Variants in CHP1 observed in about 807,000 individuals in gnomAD.
The protein encoded by CHP1 is calcineurin like EF-hand protein 1.
A neutral mutation model predicts 27.4 loss-of-function variants in CHP1; 11 were observed. That is an observed-to-expected ratio of 0.40 (90% CI 0.25 to 0.67). The LOEUF is 0.67. Among genes scored for constraint, CHP1 ranks in the 30% least tolerant of loss-of-function variants. The probability of loss-of-function intolerance (pLI) is 0.38; values close to 1 mark genes in which losing one functional copy is unlikely to be tolerated. For synonymous variants in CHP1, 89 were observed against 87.4 expected, an observed-to-expected ratio of 1.02 and a Z score of -0.10; for missense variants, 169 against 251.3, an observed-to-expected ratio of 0.67 and a Z score of 2.22.
chr15:41,262,710 T>A, intron 3 of CHP1, 46 bp from the exon 4 acceptor site: 1 of 1,603,994 alleles, frequency 6.2e-7, no homozygotes, highest in Non-Finnish European at 8.5e-7. Flanking sequence ...TAAGAAATAA[T>A]CACCGTGATT....
In CHP1 at chr15:41,256,961, C is replaced by T; in HGVS notation, c.192C>T (p.Asp64=). 6.2e-7 allele frequency: 1 copy of T among 1,614,054 alleles called. No homozygotes were observed. Among genetic ancestry groups the T allele is most frequent in the South Asian group, 1.1e-5 (1 of 91,088 alleles). Residue 64 remains aspartate, a synonymous_variant, in exon 3 of 7, where the codon GAC becomes GAT. Coordinates refer to ENST00000334660, the MANE Select transcript of CHP1 (RefSeq NM_007236.5). ...AACTTGCCATCAACCCACTGGGGGA[C>T]CGGATCATCAATGCCTTCTTTCCAG... ...IPELAINPLG[D]RIINAFFPEG...
intron 1 of CHP1, among the ~76,000 whole-genome samples, chr15:41,236,775 C>T (rs994559163): frequency 6.6e-6 from 1 of 151,906 alleles, no homozygotes; most frequent in Non-Finnish European, 1.5e-5. Context: ...ATGGTTTTTA[C>T]GTAACAACAA....
At chr15:41,268,398 G>C (rs1393855505) in intron 4 of CHP1, among the ~76,000 whole-genome samples, 1 of 152,098 alleles carries the variant, frequency 6.6e-6, no homozygotes, top group African/African-American at 2.4e-5. Flanking sequence ...TGTAATCCCA[G>C]GGCTTTGGCA....
chr15:41,238,950 T>G (rs745436067), intron 1 of CHP1, among the ~76,000 whole-genome samples: 1 of 152,192 alleles, frequency 6.6e-6, no homozygotes, highest in African/African-American at 2.4e-5. Flanking sequence ...GTGCAGGTTT[T>G]GGGCACCTAT....
intron 5 of CHP1, among the ~76,000 whole-genome samples, chr15:41,274,572 A>G (rs2047509530): frequency 6.6e-6 from 1 of 151,970 alleles, no homozygotes; most frequent in Admixed American, 6.6e-5. Flanking sequence ...TGGTGAAATG[A>G]TGTTAAAGAC....
chr15:41,236,096 T>G (rs866736544), intron 1 of CHP1, among the ~76,000 whole-genome samples: 2 of 135,606 alleles, frequency 1.5e-5, no homozygotes, highest in Non-Finnish European at 3.2e-5. Context: ...TTTTTTTTTT[T>G]GAGACAGGGT....
At chr15:41,231,956 C>T (rs149657224) in intron 1 of CHP1, among the ~76,000 whole-genome samples, 52 of 152,148 alleles carry the variant, frequency 3.4e-4, no homozygotes, top group African/African-American at 1.1e-3. Context: ...TGTAGTAAGG[C>T]TTTGGGAGAC....
intron 5 of CHP1, among the ~76,000 whole-genome samples, chr15:41,275,456 A>T (rs1209557613): frequency 6.6e-6 from 1 of 152,100 alleles, no homozygotes; most frequent in Non-Finnish European, 1.5e-5. Flanking sequence ...CCCCCGGCCA[A>T]AACTTCTGAT....
intron 4 of CHP1, among the ~76,000 whole-genome samples, chr15:41,266,171 T>G (rs2047459254): frequency 6.6e-6 from 1 of 152,074 alleles, no homozygotes; most frequent in Non-Finnish European, 1.5e-5. Context: ...TAATTCCAGC[T>G]ACTCAGGAGA....
chr15:41,251,124 G>A (rs2047364601), intron 2 of CHP1, among the ~76,000 whole-genome samples: 1 of 152,150 alleles, frequency 6.6e-6, no homozygotes, highest in Admixed American at 6.6e-5. Flanking sequence ...GAGCCACTGT[G>A]CCTGGCCCAG....
At chr15:41,238,997 C>T (rs569626844) in intron 1 of CHP1, among the ~76,000 whole-genome samples, 7 of 152,310 alleles carry the variant, frequency 4.6e-5, no homozygotes, top group Non-Finnish European at 8.8e-5. Context: ...AAATACTTCA[C>T]TGGAAACATG....
intron 4 of CHP1, among the ~76,000 whole-genome samples, chr15:41,267,537 C>T (rs910928807): frequency 6.6e-6 from 1 of 151,804 alleles, no homozygotes; most frequent in African/African-American, 2.4e-5. Context: ...TGGCACATAC[C>T]TGTAGTCCCA....
At chr15:41,249,924 C>T (rs2047356832) in intron 2 of CHP1, among the ~76,000 whole-genome samples, 1 of 150,212 alleles carries the variant, frequency 6.7e-6, no homozygotes, top group Admixed American at 6.7e-5. Context: ...AGTGTACAGT[C>T]TGGGGCATTC....
Position 41,280,988 on chromosome 15 carries a change from A to G in CHP1, c.*1599A>G, listed in dbSNP as rs1383823809. ...ATTCTCCCACCTCAGCCTCCCAAGT[A>G]GCTGGGATTACAGACGTGTGCCACC... On this transcript the variant is annotated 3_prime_UTR_variant, in exon 7 of 7. Transcript: ENST00000334660. 1 of 151,636 alleles carries G rather than the reference A, an allele frequency of 6.6e-6. No individual in the cohort carries two copies. The highest frequency in any genetic ancestry group is 1.5e-5 in the Non-Finnish European group (1 of 68,048). The allele number at this position is 151,636 out of a possible 1,614,324, so 9.4% of individuals were successfully genotyped here.
chr15:41,243,742 A>C lies in CHP1; in HGVS notation c.140+3A>C. On this transcript the variant is annotated splice_donor_region_variant and intron_variant, in intron 2 of 6. Coordinates refer to ENST00000334660, the MANE Select transcript of CHP1 (RefSeq NM_007236.5). ...AAAGGAGAGAATGGGACTCTCAGGT[A>C]GGCAGTGTTTTTCTTTATTTTCCTC... The C allele has an allele frequency of 6.2e-7, 1 of 1,613,640 alleles. No individual in the cohort carries two copies. Among genetic ancestry groups the C allele is most frequent in the East Asian group, 2.2e-5 (1 of 44,868 alleles).
intron 5 of CHP1, among the ~76,000 whole-genome samples, chr15:41,278,125 G>A (rs1409319375): frequency 2.6e-5 from 4 of 151,746 alleles, no homozygotes; most frequent in East Asian, 1.9e-4. Flanking sequence ...TCAGGAGATC[G>A]AGACCATCCT....
Position 41,262,738 on chromosome 15 carries a change from G to A in CHP1, c.222-18G>A. ...CCGTGATTGACATGGTGTTGTGTTTGTTATATTTCACAATCAGAGAGGACC... is the reference window on the plus strand; with the variant it reads ...CCGTGATTGACATGGTGTTGTGTTTATTATATTTCACAATCAGAGAGGACC... On this transcript the variant is annotated intron_variant, in intron 3 of 6. Coordinates refer to ENST00000334660, the MANE Select transcript of CHP1 (RefSeq NM_007236.5). The A allele has an allele frequency of 6.2e-7, 1 of 1,611,610 alleles. No homozygotes were observed. Among genetic ancestry groups the A allele is most frequent in the Non-Finnish European group, 8.5e-7 (1 of 1,179,514 alleles).
chr15:41,275,628 C>T (rs2047515503), intron 5 of CHP1, among the ~76,000 whole-genome samples: 1 of 152,180 alleles, frequency 6.6e-6, no homozygotes, highest in Admixed American at 6.5e-5. Context: ...CAACTATTCA[C>T]AGGCATGATC....
At chr15:41,250,835 CTTTT>C (rs1188897531) in intron 2 of CHP1, among the ~76,000 whole-genome samples, 1 of 143,846 alleles carries the variant, frequency 7.0e-6, no homozygotes. Context: ...TTCTTTCTTT[CTTTT>C]TTTTTTTTTG....
Sources: gnomAD v4.1 joint callset for allele counts (sites outside exome capture counted in the v4.1 genomes callset) on GRCh38, gnomAD v4.1.1 for gene constraint, MANE v1.5 for transcripts, NCBI Gene and HGNC (gene_info 2026-07-23, HGNC 2026-07-21) for gene names.